Variants in KPNA4 observed in about 807,000 individuals in gnomAD.
The protein encoded by KPNA4 is importin subunit alpha-3.
A neutral mutation model predicts 71.3 loss-of-function variants in KPNA4; 13 were observed. The observed-to-expected ratio is 0.18, with a 90% CI of 0.12 to 0.29. KPNA4 has a LOEUF of 0.29. Ranked by LOEUF, KPNA4 falls within the 10% of genes least tolerant of loss-of-function variation. The pLI is 1.00. For missense variants in KPNA4, 334 were observed against 603.2 expected (o/e 0.55, Z 4.67); for synonymous variants, 189 against 195.2 (o/e 0.97, Z 0.26).
chr3:160,526,047 G>A lies in KPNA4; in HGVS notation c.617C>T (p.Ser206Phe), dbSNP rs370139032. 1.3e-6 allele frequency: 2 copies of A among 1,595,700 alleles called. No homozygotes were observed. The highest frequency in any genetic ancestry group is 1.7e-6 in the Non-Finnish European group (2 of 1,172,320). ...ISLGVVKPLL[S>F]FISPSIPITF... ...TATAGGAATAGATGGACTTATGAAG[G>A]AAAGTAAAGGTTTCACAACTCCAAG... Residue 206 changes from serine (S) to phenylalanine (F), a missense_variant, in exon 9 of 17, where the codon TCC becomes TTC. Coordinates refer to ENST00000334256, the MANE Select transcript of KPNA4 (RefSeq NM_002268.5).
chr3:160,495,866 G>A lies in KPNA4; in HGVS notation c.*6238C>T, dbSNP rs1198069822. Reference sequence around the variant, plus strand: ...TTATGGTAATACCAAAGTGACTAAGGTTGTCTTGATTCCCCGCCCCCACCA... The same window carrying A: ...TTATGGTAATACCAAAGTGACTAAGATTGTCTTGATTCCCCGCCCCCACCA... On this transcript the variant is annotated 3_prime_UTR_variant, in exon 17 of 17. Coordinates refer to ENST00000334256, the MANE Select transcript of KPNA4 (RefSeq NM_002268.5). 1.3e-5 allele frequency: 2 copies of A among 150,798 alleles called. No individual in the cohort carries two copies. The highest frequency in any genetic ancestry group is 2.9e-5 in the Non-Finnish European group (2 of 67,940). 9.3% of individuals were successfully genotyped at this position (150,798 alleles called of 1,614,324 possible). A position where few individuals can be genotyped will look rare whatever the true frequency, so the allele number is the denominator to read the frequency against.
chr3:160,534,929 G>A (rs1721655116), intron 5 of KPNA4, among the ~76,000 whole-genome samples: 1 of 151,448 alleles, frequency 6.6e-6, no homozygotes, highest in Admixed American at 6.6e-5. Flanking sequence ...TCAGTATGTT[G>A]GCCAGGCTGG....
chr3:160,519,974 GA>G lies in KPNA4; in HGVS notation c.903+1804del, dbSNP rs571827768. On this transcript the variant is annotated intron_variant, in intron 11 of 16. Coordinates refer to ENST00000334256, the MANE Select transcript of KPNA4 (RefSeq NM_002268.5). ...TTTATGAAATTATGGCATGAAAGTT[GA>G]AAAGTATAAGAAAATCTCTATAAGG... Among the ~76,000 whole-genome samples the G allele has an allele frequency of 3.0e-4, 46 of 152,210 alleles. No homozygotes were observed. In the South Asian group the frequency reaches 7.0e-3, roughly 23 times the overall value.
intron 6 of KPNA4, among the ~76,000 whole-genome samples, 184 bp downstream of exon 6, chr3:160,531,277 CT>C (rs1466806223): frequency 6.6e-6 from 1 of 152,026 alleles, no homozygotes; most frequent in Non-Finnish European, 1.5e-5. Context: ...TCTCAAGTTC[CT>C]TTTTTGGCTA....
chr3:160,556,982 A>C (rs538421020), intron 1 of KPNA4, among the ~76,000 whole-genome samples: 3 of 152,190 alleles, frequency 2.0e-5, no homozygotes, highest in South Asian at 2.1e-4. Context: ...CACCCAGCTA[A>C]ATTTTTTATT....
At chr3:160,517,253 C>T (rs1046715992) in intron 11 of KPNA4, among the ~76,000 whole-genome samples, 2 of 152,044 alleles carry the variant, frequency 1.3e-5, no homozygotes, top group South Asian at 4.1e-4. Flanking sequence ...TTTCATTTCA[C>T]ATAATGTTGT....
chr3:160,552,985 T>C (rs1722070993), intron 1 of KPNA4, among the ~76,000 whole-genome samples: 1 of 152,026 alleles, frequency 6.6e-6, no homozygotes, highest in Non-Finnish European at 1.5e-5. Flanking sequence ...TGATTTACTT[T>C]ATTATTATTA....
At chr3:160,548,757 G>A (rs1417310842) in intron 1 of KPNA4, among the ~76,000 whole-genome samples, 1 of 152,138 alleles carries the variant, frequency 6.6e-6, no homozygotes, top group Non-Finnish European at 1.5e-5. Flanking sequence ...ATAAACTAGA[G>A]TGTACAAGTA....
chr3:160,527,466 A>G (rs1721480240), intron 8 of KPNA4, among the ~76,000 whole-genome samples: 1 of 152,196 alleles, frequency 6.6e-6, no homozygotes. Flanking sequence ...ATATTACTAT[A>G]TTTTATACAT....
chr3:160,544,307 T>C (rs561592034), intron 1 of KPNA4, among the ~76,000 whole-genome samples: 94 of 152,344 alleles, frequency 6.2e-4, no homozygotes, highest in South Asian at 1.2e-3. Context: ...GTGAGACACA[T>C]ATAACCTTCT....
rs925602296 is a variant in KPNA4 at position 160,500,539 on chromosome 3, ATTAAT to A, written c.*1560_*1564del. On this transcript the variant is annotated 3_prime_UTR_variant, in exon 17 of 17. Transcript: ENST00000334256. ...CTTATAAAGAGTTCTTTTTGTACAA[ATTAAT>A]TTATGTCACATTTAATTTAGTGTGC... The A allele has an allele frequency of 3.3e-5, 5 of 152,650 alleles. No individual in the cohort carries two copies. The highest frequency in any genetic ancestry group is 9.6e-5 in the African/African-American group (4 of 41,458). The allele number at this position is 152,650 out of a possible 1,614,324, so 9.5% of individuals were successfully genotyped here. A position where few individuals can be genotyped will look rare whatever the true frequency, so the allele number is the denominator to read the frequency against.
chr3:160,546,069 G>A (rs894603884), intron 1 of KPNA4, among the ~76,000 whole-genome samples: 41 of 152,294 alleles, frequency 2.7e-4, no homozygotes, highest in African/African-American at 9.4e-4. Flanking sequence ...GAAAGAGGCT[G>A]AGACTAAAAA....
intron 13 of KPNA4, among the ~76,000 whole-genome samples, chr3:160,511,518 T>C (rs1721094145): frequency 6.6e-6 from 1 of 151,922 alleles, no homozygotes; most frequent in Non-Finnish European, 1.5e-5. Context: ...ACTATGTAGC[T>C]ATGAAAGGAA....
At chr3:160,562,368 C>T (rs1722259776) in intron 1 of KPNA4, among the ~76,000 whole-genome samples, 1 of 152,112 alleles carries the variant, frequency 6.6e-6, no homozygotes, top group African/African-American at 2.4e-5. Flanking sequence ...GAAGACTTCC[C>T]ATGAAATAGA....
At chr3:160,555,368 A>C (rs1401785143) in intron 1 of KPNA4, among the ~76,000 whole-genome samples, 1 of 152,204 alleles carries the variant, frequency 6.6e-6, no homozygotes, top group Non-Finnish European at 1.5e-5. Flanking sequence ...GTTCATCCAT[A>C]CCGTTGCATG....
At position 160,540,616 on chromosome 3, in the gene KPNA4, A is replaced by G. The variant is rs533481908; in HGVS notation, c.70-3776T>C. Among the ~76,000 whole-genome samples the G allele has an allele frequency of 1.3e-4, 20 of 152,360 alleles. No homozygotes were observed. The South Asian group carries it at 4.1e-3, about 32-fold the overall frequency. On this transcript the variant is annotated intron_variant, in intron 1 of 16. Coordinates refer to ENST00000334256, the MANE Select transcript of KPNA4 (RefSeq NM_002268.5). The stretch of plus-strand genomic sequence containing the variant: ...AACAATAGTTGTTCTTCGGGACCCC[A>G]TGAAAGGGATATATAAGACTTCTAA...
chr3:160,519,637 T>A (rs1436750567), intron 11 of KPNA4, among the ~76,000 whole-genome samples: 3 of 147,578 alleles, frequency 2.0e-5, no homozygotes, highest in East Asian at 4.0e-4. Flanking sequence ...TACTAAAAAA[T>A]ACAAAAAATT....
At chr3:160,539,998 C>CTTTTTTTTTTT (rs376611861) in intron 1 of KPNA4, among the ~76,000 whole-genome samples, 7 of 129,328 alleles carry the variant, frequency 5.4e-5, no homozygotes, top group Non-Finnish European at 9.6e-5. Flanking sequence ...TTTTTCTTTT[C>CTTTTTTTTTTT]TTTTTTTTTT....
chr3:160,527,511 GA>G (rs1416509481), intron 8 of KPNA4, among the ~76,000 whole-genome samples: 2 of 152,088 alleles, frequency 1.3e-5, no homozygotes, highest in African/African-American at 4.8e-5. Context: ...CTGCAAGAGA[GA>G]AAAAATTTCA....
Sources: allele counts gnomAD v4.1 joint callset (sites outside exome capture counted in the v4.1 genomes callset), GRCh38; gene constraint gnomAD v4.1.1; transcripts MANE v1.5; gene names NCBI Gene and HGNC (gene_info 2026-07-23, HGNC 2026-07-21).